ANKS6: variants seen among roughly 807,000 people sequenced by gnomAD.
ANKS6 encodes the protein ankyrin repeat and sterile alpha motif domain containing 6.
ANKS6 carries 47 observed loss-of-function variants against 77.9 expected under a neutral mutation model. The observed-to-expected ratio is 0.60, with a 90% CI of 0.48 to 0.77. The LOEUF is 0.77. ANKS6 is among the 30% of genes least tolerant of loss of function. The pLI is 0.00. For synonymous variants in ANKS6, 488 were observed against 501.7 expected (o/e 0.97, Z 0.37); for missense variants, 1,150 against 1,159.1 (o/e 0.99, Z 0.11).
intron 13 of ANKS6, among the ~76,000 whole-genome samples, 166 bp downstream of exon 13, chr9:98,750,863 T>C (rs181438330): frequency 1.3e-5 from 2 of 152,344 alleles, no homozygotes; most frequent in Admixed American, 1.3e-4. Flanking sequence ...GTCCCCAGGA[T>C]TTCACAATAA....
chr9:98,750,530 A>AT (rs1158389775), intron 13 of ANKS6, among the ~76,000 whole-genome samples: 1 of 152,234 alleles, frequency 6.6e-6, no homozygotes, highest in Non-Finnish European at 1.5e-5. Context: ...TCTTGGGAAT[A>AT]TACCTAGGAG....
chr9:98,756,672 C>A (rs945317660), intron 11 of ANKS6, 69 bp from the exon 12 acceptor site: 2 of 1,317,906 alleles, frequency 1.5e-6, no homozygotes, highest in Non-Finnish European at 2.0e-6. Context: ...AACAAGACAC[C>A]CACAACAGGG....
intron 14 of ANKS6, among the ~76,000 whole-genome samples, chr9:98,737,184 A>G (rs565231397): frequency 2.0e-5 from 3 of 152,236 alleles, no homozygotes; most frequent in African/African-American, 4.8e-5. Context: ...TGTTAAGCCC[A>G]GAAAACATCA....
At chr9:98,757,085 T>C (rs1315524788) in intron 11 of ANKS6, among the ~76,000 whole-genome samples, 1 of 152,210 alleles carries the variant, frequency 6.6e-6, no homozygotes, top group Non-Finnish European at 1.5e-5. Context: ...AAAGGCTTTT[T>C]ACATTAAAAT....
At chr9:98,769,184 T>G (rs1795945948) in intron 10 of ANKS6, among the ~76,000 whole-genome samples, 1 of 150,222 alleles carries the variant, frequency 6.7e-6, no homozygotes, top group African/African-American at 2.4e-5. Context: ...TACCCAGGGC[T>G]GGGGGGTGCT....
chr9:98,779,302 T>C (rs961306753), intron 6 of ANKS6, among the ~76,000 whole-genome samples: 5 of 152,170 alleles, frequency 3.3e-5, no homozygotes, highest in African/African-American at 1.2e-4. Flanking sequence ...CCAGAGCTTG[T>C]TTCTGGTGTT....
At chr9:98,780,859 A>G (rs1588401082) in intron 5 of ANKS6, among the ~76,000 whole-genome samples, 1 of 152,178 alleles carries the variant, frequency 6.6e-6, no homozygotes, top group Admixed American at 6.5e-5. Context: ...ATTGAGAAGA[A>G]ACTACTCCAA....
rs533648131 is a variant in ANKS6 at position 98,768,908 on chromosome 9, T to A, written c.1973-658A>T. On this transcript the variant is annotated intron_variant, in intron 10 of 14. Transcript: ENST00000353234. ...ACTTTGGGAGGCCGAGGCGGGCAGA[T>A]CACAAGGTAGAGATCGAGACCAGCC... 5.9e-5 allele frequency among the ~76,000 whole-genome samples: 9 copies of A among 152,128 alleles called. No homozygotes were observed. The East Asian group carries it at 1.7e-3, about 29-fold the overall frequency.
At chr9:98,796,104 T>TCCCGGGCC (rs1237802453) in intron 1 of ANKS6, 29 bp downstream of exon 1, 31 of 1,315,240 alleles carry the variant, frequency 2.4e-5, no homozygotes, top group South Asian at 2.3e-4. Flanking sequence ...ACCACTCTGG[T>TCCCGGGCC]CCCGGGCCCC....
chr9:98,759,160 G>T (rs1239662411), intron 11 of ANKS6, among the ~76,000 whole-genome samples: 2 of 152,016 alleles, frequency 1.3e-5, no homozygotes, highest in Non-Finnish European at 2.9e-5. Context: ...CCATACAGAA[G>T]AGTTCCATCA....
chr9:98,753,093 T>A (rs1832517099), intron 12 of ANKS6, among the ~76,000 whole-genome samples: 2 of 152,140 alleles, frequency 1.3e-5, no homozygotes, highest in African/African-American at 4.8e-5. Context: ...CACATAAATC[T>A]ATTGCAGATT....
chr9:98,778,551 A>G, intron 6 of ANKS6, 127 bp from the exon 7 acceptor site: 1 of 797,656 alleles, frequency 1.3e-6, no homozygotes, highest in Non-Finnish European at 2.0e-6. Flanking sequence ...TGGGGCCCAG[A>G]CAGACATTAC....
chr9:98,758,308 G>C (rs991628476), intron 11 of ANKS6, among the ~76,000 whole-genome samples: 6 of 146,254 alleles, frequency 4.1e-5, no homozygotes, highest in Admixed American at 1.4e-4. Flanking sequence ...GTACCCTTTT[G>C]ACATGCGCCA....
chr9:98,761,060 T>C (rs779950448), intron 11 of ANKS6, among the ~76,000 whole-genome samples: 1 of 152,246 alleles, frequency 6.6e-6, no homozygotes, highest in African/African-American at 2.4e-5. Flanking sequence ...TGTACCTTTT[T>C]AAATATTAGC....
Position 98,796,138 on chromosome 9 carries a change from C to A in ANKS6, c.354G>T (p.Ala118=). The change falls in exon 1 of 15, where the codon GCG becomes GCT. Residue 118 remains alanine, a synonymous_variant. Transcript: ENST00000353234. ...CCCGGGCCCCGCCGCCTCACCTGGC[C>A]GCCTGCATGAGCGCGCTCCAGCCGT... ...NHYGWSALMQ[A]ARFGHVSVAH... is the part of the protein sequence containing the mutation. 7.3e-7 allele frequency: 1 copy of A among 1,379,064 alleles called. No homozygotes were observed. Among genetic ancestry groups the A allele is most frequent in the Non-Finnish European group, 9.4e-7 (1 of 1,065,738 alleles). The allele number at this position is 1,379,064 out of a possible 1,614,324, so 85.4% of individuals were successfully genotyped here. A position where few individuals can be genotyped will look rare whatever the true frequency, so the allele number is the denominator to read the frequency against.
At chr9:98,782,133 G>A (rs1054463580) in intron 5 of ANKS6, among the ~76,000 whole-genome samples, 1 of 152,204 alleles carries the variant, frequency 6.6e-6, no homozygotes, top group African/African-American at 2.4e-5. Flanking sequence ...CCACCTGAGT[G>A]ACTCAGGATT....
intron 2 of ANKS6, among the ~76,000 whole-genome samples, chr9:98,789,425 A>C (rs1035189930): frequency 1.3e-5 from 1 of 74,474 alleles, no homozygotes; most frequent in African/African-American, 4.4e-5. Context: ...GATGGCAAGA[A>C]GTTAAAAAAA....
chr9:98,734,076 C>T lies in ANKS6; in HGVS notation c.*2443G>A. On this transcript the variant is annotated 3_prime_UTR_variant, in exon 15 of 15. Transcript: ENST00000353234. ...ACCTACATGTTCCGTGCTGCCTCCA[C>T]ACATGCCCCCGCTGGGGTGCCCTTT... is the stretch of plus-strand genomic sequence containing the variant. 1 of 985,456 alleles carries T rather than the reference C, an allele frequency of 1.0e-6. No homozygotes were observed. The highest frequency in any genetic ancestry group is 1.2e-6 in the Non-Finnish European group (1 of 829,984). The allele number at this position is 985,456 out of a possible 1,614,324, so 61.0% of individuals were successfully genotyped here.
In ANKS6 at chr9:98,782,676, TAAG is replaced by T. The variant is rs1588405752; in HGVS notation, c.1113-106_1113-104del. ...CTACAAAGCTCAGTCTCTGAGCATT[TAAG>T]AAGGACATGGAAGGGCAAACAGTCT... is the stretch of plus-strand genomic sequence containing the variant. On this transcript the variant is annotated intron_variant, in intron 4 of 14. Transcript: ENST00000353234. The T allele has an allele frequency of 5.5e-6, 5 of 905,360 alleles. No homozygotes were observed. The Admixed American group carries it at 8.1e-5, about 15-fold the overall frequency. 56.1% of individuals were successfully genotyped at this position (905,360 alleles called of 1,614,324 possible).
Sources: gnomAD v4.1 joint callset for allele counts (sites outside exome capture counted in the v4.1 genomes callset) on GRCh38, gnomAD v4.1.1 for gene constraint, MANE v1.5 for transcripts, NCBI Gene and HGNC (gene_info 2026-07-23, HGNC 2026-07-21) for gene names.